ELL: variants seen among roughly 807,000 people sequenced by gnomAD.
ELL encodes RNA polymerase II elongation factor ELL.
In ELL, 18 loss-of-function variants were observed where a neutral mutation model predicts 64.0. That is an observed-to-expected ratio of 0.28 (90% CI 0.19 to 0.42). The LOEUF (loss-of-function observed/expected upper bound fraction) is 0.42. Ranked by LOEUF, ELL falls within the 10% of genes least tolerant of loss-of-function variation. The probability of loss-of-function intolerance (pLI) is 1.00; values close to 1 mark genes in which losing one functional copy is unlikely to be tolerated. For missense variants in ELL, 797 were observed against 870.4 expected, an observed-to-expected ratio of 0.92 and a Z score of 1.06; for synonymous variants, 399 against 376.2, an observed-to-expected ratio of 1.06 and a Z score of -0.70.
intron 1 of ELL, among the ~76,000 whole-genome samples, chr19:18,494,559 T>C (rs1975606801): frequency 6.6e-6 from 1 of 151,954 alleles, no homozygotes; most frequent in Admixed American, 6.6e-5. Flanking sequence ...CCTGACTAAT[T>C]TTTGTACTTT....
At chr19:18,453,862 C>G (rs1974594191) in intron 6 of ELL, among the ~76,000 whole-genome samples, 1 of 152,206 alleles carries the variant, frequency 6.6e-6, no homozygotes, top group South Asian at 2.1e-4. Flanking sequence ...AGCCACCACG[C>G]CCGGTCCTGA....
chr19:18,464,068 T>C (rs940521396), intron 4 of ELL, among the ~76,000 whole-genome samples: 2 of 151,660 alleles, frequency 1.3e-5, no homozygotes, highest in Admixed American at 6.6e-5. Flanking sequence ...GACCCACAGA[T>C]TTATTAACAT....
At chr19:18,486,954 G>A (rs1284956060) in intron 1 of ELL, among the ~76,000 whole-genome samples, 2 of 152,104 alleles carry the variant, frequency 1.3e-5, no homozygotes, top group African/African-American at 4.8e-5. Context: ...ACCCACATGC[G>A]CCTCTGCAGC....
rs1568373729 is a variant in ELL, at chr19:18,446,499, GC to G, written c.1533-20del. The G allele has an allele frequency of 1.9e-6, 3 of 1,606,982 alleles. No individual in the cohort carries two copies. Among genetic ancestry groups the G allele is most frequent in the East Asian group, 2.2e-5 (1 of 44,750 alleles). On this transcript the variant is annotated intron_variant, in intron 9 of 11. Coordinates refer to ENST00000262809, the MANE Select transcript of ELL (RefSeq NM_006532.4). ...GTACTTCCTGAAACAGGAGAGAGGG[GC>G]CACTGAGTGGAGGCTGGAAGGACCC...
chr19:18,473,959 T>G (rs1476789063), intron 1 of ELL, among the ~76,000 whole-genome samples: 1 of 151,960 alleles, frequency 6.6e-6, no homozygotes, highest in African/African-American at 2.4e-5. Flanking sequence ...TGCCCATAGC[T>G]CTCCCCAGAG....
chr19:18,505,640 A>G (rs1600498319), intron 1 of ELL, among the ~76,000 whole-genome samples: 1 of 152,160 alleles, frequency 6.6e-6, no homozygotes, highest in South Asian at 2.1e-4. Context: ...ACAGTGTGTG[A>G]CTGGCGCCTT....
chr19:18,516,335 G>A (rs531790016), intron 1 of ELL, among the ~76,000 whole-genome samples: 19 of 152,244 alleles, frequency 1.2e-4, no homozygotes, highest in African/African-American at 4.1e-4. Context: ...ACAGCACACC[G>A]GCCATGCCTG....
In ELL at chr19:18,465,937, G is replaced by A. The variant is rs777342462; in HGVS notation, c.184-19C>T. On this transcript the variant is annotated intron_variant, in intron 2 of 11. Transcript: ENST00000262809. ...AGATGTGCTGCGTGGAGGGGGAGGG[G>A]GTGTCACTGGGAGGTCCTCGGCAGG... The A allele has an allele frequency of 3.1e-6, 4 of 1,289,998 alleles. No individual in the cohort carries two copies. The highest frequency in any genetic ancestry group is 4.0e-6 in the Non-Finnish European group (4 of 1,012,550). 79.9% of individuals were successfully genotyped at this position (1,289,998 alleles called of 1,614,324 possible).
chr19:18,510,268 G>A (rs1028033385), intron 1 of ELL, among the ~76,000 whole-genome samples: 1 of 152,236 alleles, frequency 6.6e-6, no homozygotes, highest in African/African-American at 2.4e-5. Context: ...TAATTTGGAG[G>A]CTGAGGCACG....
rs760546913 is a variant in ELL, at chr19:18,450,839, G to A, written c.1103C>T (p.Thr368Ile). The A allele has an allele frequency of 3.1e-6, 5 of 1,591,328 alleles. No homozygotes were observed. In the South Asian group the frequency reaches 4.5e-5, roughly 14 times the overall value. Reference protein sequence around the residue: ...VPNGREALLPTPGPPASTDTL... With the variant: ...VPNGREALLPIPGPPASTDTL... The stretch of plus-strand genomic sequence containing the variant: ...GTCCGTGCTGGCTGGTGGGCCCGGG[G>A]TGGGCAGCAAGGCCTCACGGCCATT... The change falls in exon 8 of 12, where the codon ACC (threonine) becomes ATC (isoleucine). Residue 368 changes from threonine to isoleucine, a missense_variant. Physicochemically the swap from Thr to Ile is moderately conservative, Grantham distance 89 (BLOSUM62 -1). Coordinates refer to ENST00000262809, the MANE Select transcript of ELL (RefSeq NM_006532.4).
At position 18,465,476 on chromosome 19, in the gene ELL, G is replaced by A. The variant is rs1369971993; in HGVS notation, c.405C>T (p.Ala135=). The A allele has an allele frequency of 6.2e-7, 1 of 1,612,948 alleles. No individual in the cohort carries two copies. The highest frequency in any genetic ancestry group is 8.5e-7 in the Non-Finnish European group (1 of 1,179,314). Residue 135 remains alanine, a synonymous_variant, in exon 4 of 12, where the codon GCC becomes GCT. Coordinates refer to ENST00000262809, the MANE Select transcript of ELL (RefSeq NM_006532.4). ...DSYQKARQSM[A]QAEEETRSRS... is the part of the protein sequence containing the mutation. ...GGCTCCGCGTCTCCTCCTCCGCCTG[G>A]GCCATGCTCTGCCGCGCCTTCTGGT...
chr19:18,488,210 G>A (rs1568390957), intron 1 of ELL, among the ~76,000 whole-genome samples: 1 of 152,196 alleles, frequency 6.6e-6, no homozygotes, highest in African/African-American at 2.4e-5. Flanking sequence ...GGGTTAGGTC[G>A]TGGGTAAGCG....
intron 4 of ELL, among the ~76,000 whole-genome samples, 158 bp downstream of exon 4, chr19:18,465,254 C>T (rs1421695051): frequency 6.6e-6 from 1 of 152,236 alleles, no homozygotes; most frequent in African/African-American, 2.4e-5. Context: ...CCAACCCAGA[C>T]TCTGGTCCAG....
intron 1 of ELL, among the ~76,000 whole-genome samples, chr19:18,481,217 T>C (rs1975293154): frequency 6.6e-6 from 1 of 152,192 alleles, no homozygotes; most frequent in Non-Finnish European, 1.5e-5. Flanking sequence ...GAAAGTCTTA[T>C]CAATGGAATC....
At chr19:18,502,522 CAGG>C (rs1975801990) in intron 1 of ELL, among the ~76,000 whole-genome samples, 1 of 152,214 alleles carries the variant, frequency 6.6e-6, no homozygotes, top group Non-Finnish European at 1.5e-5. Context: ...CCAGCCGCAT[CAGG>C]AGCAGACGTT....
chr19:18,446,152 C>G (rs1303242932), intron 10 of ELL, 157 bp downstream of exon 10: 18 of 964,542 alleles, frequency 1.9e-5, no homozygotes, highest in Non-Finnish European at 1.8e-5. Context: ...GGGCCAGAAC[C>G]ATGGGGTTGC....
intron 6 of ELL, among the ~76,000 whole-genome samples, chr19:18,453,861 G>T (rs146563115): frequency 6.6e-6 from 1 of 152,176 alleles, no homozygotes; most frequent in Non-Finnish European, 1.5e-5. Context: ...GAGCCACCAC[G>T]CCCGGTCCTG....
At chr19:18,462,365 T>TGTGTG (rs1295088969) in intron 4 of ELL, among the ~76,000 whole-genome samples, 1,282 of 38,720 alleles carry the variant, frequency 0.033, 106 homozygotes, top group South Asian at 0.051. Flanking sequence ...GTGTGTGTGT[T>TGTGTG]TGGGCGGGGG....
rs570122942 is a variant in ELL, at chr19:18,497,792, G to A, written c.135+24129C>T. ...TGGTTATGCTACTGACTCCAGCCTA[G>A]GCAAAAGAGTGAGATCTCATCTCAA... is the stretch of plus-strand genomic sequence containing the variant. On this transcript the variant is annotated intron_variant, in intron 1 of 11. Coordinates refer to ENST00000262809, the MANE Select transcript of ELL (RefSeq NM_006532.4). 2.2e-5 allele frequency among the ~76,000 whole-genome samples: 3 copies of A among 134,224 alleles called. No homozygotes were observed. In the East Asian group the frequency reaches 6.2e-4, roughly 28 times the overall value. 88.1% of individuals were successfully genotyped at this position (134,224 alleles called of 152,430 possible). A position where few individuals can be genotyped will look rare whatever the true frequency, so the allele number is the denominator to read the frequency against.
Sources: gnomAD v4.1 joint callset for allele counts (sites outside exome capture counted in the v4.1 genomes callset) on GRCh38, gnomAD v4.1.1 for gene constraint, MANE v1.5 for transcripts, NCBI Gene and HGNC (gene_info 2026-07-23, HGNC 2026-07-21) for gene names.